Variants in TMEM209 observed in about 807,000 individuals in gnomAD.
TMEM209 encodes transmembrane protein 209, also known as testicular tissue protein Li 202.
In TMEM209, 65 loss-of-function variants were observed where a neutral mutation model predicts 76.2. The observed-to-expected ratio is 0.85, with a 90% CI of 0.70 to 1.05. TMEM209 has a LOEUF of 1.05. Among genes scored for constraint, TMEM209 ranks in the 50% least tolerant of loss-of-function variants. TMEM209 has a pLI of 0.00. For synonymous variants in TMEM209, 239 were observed against 237.6 expected, an observed-to-expected ratio of 1.01 and a Z score of -0.06; for missense variants, 623 against 685.5, an observed-to-expected ratio of 0.91 and a Z score of 1.02.
chr7:130,166,491 C>A lies in TMEM209; in HGVS notation c.1646G>T (p.Gly549Val). ...CCACAATATATTCACACCAGATAGA[C>A]CAAGATTAACTCTCCTATAAAGAGA... Reference protein sequence around the residue: ...ESGMLGRVNLGLSGVNILWIF... With the variant: ...ESGMLGRVNLVLSGVNILWIF... The change falls in exon 15 of 15, where the codon GGT becomes GTT. Residue 549 changes from glycine to valine, a missense_variant. Transcript: ENST00000397622. The A allele has an allele frequency of 6.5e-7, 1 of 1,539,102 alleles. No homozygotes were observed. Among genetic ancestry groups the A allele is most frequent in the Non-Finnish European group, 8.8e-7 (1 of 1,142,284 alleles).
In TMEM209 at chr7:130,192,648, T is replaced by C. The variant is rs1249205504; in HGVS notation, c.749A>G (p.Glu250Gly). 6.2e-7 allele frequency: 1 copy of C among 1,613,748 alleles called. No homozygotes were observed. Among genetic ancestry groups the C allele is most frequent in the East Asian group, 2.2e-5 (1 of 44,874 alleles). ...CAGCTTAACCCTATGCTGTTTCTCCTCTTCACTTCTGAGAAAAGTATCCAA... is the reference window on the plus strand; with the variant it reads ...CAGCTTAACCCTATGCTGTTTCTCCCCTTCACTTCTGAGAAAAGTATCCAA... ...RTLDTFLRSE[E>G]EKQHRVKLGS... is the part of the protein sequence containing the mutation. The change falls in exon 6 of 15, where the codon GAG (glutamate) becomes GGG (glycine). Residue 250 changes from glutamate (E) to glycine (G), a missense_variant. Coordinates refer to ENST00000397622, the MANE Select transcript of TMEM209 (RefSeq NM_032842.4).
chr7:130,197,656 T>A (rs1473010797), intron 5 of TMEM209, among the ~76,000 whole-genome samples: 1 of 152,214 alleles, frequency 6.6e-6, no homozygotes, highest in Non-Finnish European at 1.5e-5. Context: ...ACAGAATAAC[T>A]TAAAAAGATC....
chr7:130,167,691 AT>A (rs969416576), intron 14 of TMEM209, among the ~76,000 whole-genome samples: 1 of 151,876 alleles, frequency 6.6e-6, no homozygotes, highest in Non-Finnish European at 1.5e-5. Context: ...GTCTGTCTAG[AT>A]TTTTTTTCCT....
At chr7:130,199,561 T>C (rs964448977) in intron 5 of TMEM209, among the ~76,000 whole-genome samples, 2 of 152,126 alleles carry the variant, frequency 1.3e-5, no homozygotes, top group Non-Finnish European at 2.9e-5. Context: ...ACATATCTTT[T>C]AAGATTTTAA....
At position 130,205,371 on chromosome 7, in the gene TMEM209, AC is replaced by A. The variant is rs1562903316; in HGVS notation, c.3+1del. The A allele has an allele frequency of 1.9e-6, 3 of 1,613,908 alleles. No homozygotes were observed. The highest frequency in any genetic ancestry group is 2.5e-6 in the Non-Finnish European group (3 of 1,179,898). The stretch of plus-strand genomic sequence containing the variant: ...AGCACAAACACGACCCCGAAAACGC[AC>A]CATGTCCTCTGGCCGGAAAACGCAG... On this transcript the variant is annotated splice_donor_variant, in intron 1 of 14. Transcript: ENST00000397622. LOFTEE classifies it high-confidence loss of function.
chr7:130,193,115 C>T (rs950633965), intron 5 of TMEM209, among the ~76,000 whole-genome samples: 1 of 152,182 alleles, frequency 6.6e-6, no homozygotes, highest in African/African-American at 2.4e-5. Context: ...TGAAAACTTA[C>T]GGCCACACAC....
chr7:130,189,407 T>C (rs1252434261), intron 6 of TMEM209, among the ~76,000 whole-genome samples: 2 of 152,134 alleles, frequency 1.3e-5, no homozygotes, highest in Non-Finnish European at 2.9e-5. Flanking sequence ...CAGAAAATCC[T>C]GACCTGGTCT....
rs752041691 is a variant in TMEM209 at position 130,185,308 on chromosome 7, T to C, written c.835A>G (p.Met279Val). ...SPTFWNYSRS[M>V]GDYAQTLKKF... The stretch of plus-strand genomic sequence containing the variant: ...TTTAAAGTTTGTGCATAATCCCCCA[T>C]AGAACGACTATAGTTCCAGAAAGTA... The change falls in exon 7 of 15, where the codon ATG (methionine) becomes GTG (valine). Residue 279 changes from methionine (M) to valine (V), a missense_variant. By Grantham distance (21) the Met-to-Val change is conservative. Coordinates refer to ENST00000397622, the MANE Select transcript of TMEM209 (RefSeq NM_032842.4). 34 of 1,613,852 alleles carry C rather than the reference T, an allele frequency of 2.1e-5. No individual in the cohort carries two copies. Among genetic ancestry groups the C allele is most frequent in the Middle Eastern group, 3.3e-4 (2 of 6,084 alleles).
chr7:130,202,655 G>C lies in TMEM209; in HGVS notation c.208C>G (p.Leu70Val). ...GCATTAAGGCTGAAGAGAGATGCAA[G>C]GGCAAGCTCTGGAAGAGAACAATTT... is the stretch of plus-strand genomic sequence containing the variant. ...YWPLWYIELA[L>V]ASLFSLNALF... Residue 70 changes from leucine to valine, a missense_variant, in exon 4 of 15, where the codon CTT (leucine) becomes GTT (valine). Coordinates refer to ENST00000397622, the MANE Select transcript of TMEM209 (RefSeq NM_032842.4). 1 of 1,612,562 alleles carries C rather than the reference G, an allele frequency of 6.2e-7. No homozygotes were observed. Among genetic ancestry groups the C allele is most frequent in the Non-Finnish European group, 8.5e-7 (1 of 1,179,444 alleles).
At chr7:130,201,112 A>G (rs1408099629) in intron 5 of TMEM209, among the ~76,000 whole-genome samples, 10 of 151,124 alleles carry the variant, frequency 6.6e-5, no homozygotes, top group African/African-American at 2.2e-4. Context: ...AAAAAAAAAA[A>G]AAAAGAAATA....
intron 9 of TMEM209, among the ~76,000 whole-genome samples, chr7:130,181,041 C>T (rs1797395503): frequency 6.6e-6 from 1 of 152,068 alleles, no homozygotes; most frequent in Admixed American, 6.5e-5. Context: ...TCATAAGAGC[C>T]AAAAAGTGAA....
chr7:130,196,751 A>G (rs1243366692), intron 5 of TMEM209, among the ~76,000 whole-genome samples: 3 of 152,244 alleles, frequency 2.0e-5, no homozygotes, highest in African/African-American at 7.2e-5. Flanking sequence ...CCTTGATCTT[A>G]GACTTCTAGC....
intron 6 of TMEM209, among the ~76,000 whole-genome samples, chr7:130,188,940 C>T (rs1584684950): frequency 6.6e-6 from 1 of 152,084 alleles, no homozygotes; most frequent in Admixed American, 6.5e-5. Flanking sequence ...TTCAAAACAA[C>T]AGCCTCATCT....
intron 6 of TMEM209, among the ~76,000 whole-genome samples, chr7:130,191,122 G>T (rs1357911719): frequency 1.3e-5 from 2 of 152,070 alleles, no homozygotes; most frequent in Non-Finnish European, 2.9e-5. Flanking sequence ...AGGGCTAAAA[G>T]TATAGGGATA....
chr7:130,183,525 T>C (rs191089182), intron 8 of TMEM209, among the ~76,000 whole-genome samples: 215 of 152,300 alleles, frequency 1.4e-3, no homozygotes, highest in African/African-American at 4.8e-3. Flanking sequence ...TTCTAGAAGA[T>C]GCAGAGTGGA....
In TMEM209 at chr7:130,180,414, C is replaced by T. The variant is rs115156218; in HGVS notation, c.1120+1209G>A. Among the ~76,000 whole-genome samples, 528 of 152,098 alleles carry T rather than the reference C, an allele frequency of 3.5e-3. 7 individuals are homozygous for T. The highest frequency in any genetic ancestry group is 0.012 in the African/African-American group (508 of 41,496). ...ACAAAGTCTCAAAGTCTCGAAGTCT[C>T]GCTCTTGCCCCCCAGACGATCTCGG... On this transcript the variant is annotated intron_variant, in intron 9 of 14. Coordinates refer to ENST00000397622, the MANE Select transcript of TMEM209 (RefSeq NM_032842.4).
chr7:130,187,393 G>A (rs1024633758), intron 6 of TMEM209, among the ~76,000 whole-genome samples: 1 of 152,096 alleles, frequency 6.6e-6, no homozygotes. Context: ...CTGCTGTGGC[G>A]TGGCTGCTCT....
chr7:130,170,591 CT>C (rs1235930143), intron 13 of TMEM209, 118 bp from the exon 14 acceptor site: 1 of 791,954 alleles, frequency 1.3e-6, no homozygotes. Flanking sequence ...ATAATTCAGA[CT>C]TTCATTTATT....
chr7:130,192,906 T>C, intron 5 of TMEM209, 83 bp from the exon 6 acceptor site: 1 of 1,346,128 alleles, frequency 7.4e-7, no homozygotes, highest in South Asian at 1.3e-5. Context: ...GTAAAACACC[T>C]AGTAGAATGG....
Sources: gnomAD v4.1 joint callset for allele counts (sites outside exome capture counted in the v4.1 genomes callset) on GRCh38, gnomAD v4.1.1 for gene constraint, MANE v1.5 for transcripts, NCBI Gene and HGNC (gene_info 2026-07-23, HGNC 2026-07-21) for gene names.